ADGRE3: variants seen among roughly 807,000 people sequenced by gnomAD.
The protein encoded by ADGRE3 is adhesion G protein-coupled receptor E3.
ADGRE3 carries 88 observed loss-of-function variants against 80.1 expected under a neutral mutation model. The ratio of observed to expected loss-of-function variants is 1.10; its 90% CI spans 0.93 to 1.31. The LOEUF (loss-of-function observed/expected upper bound fraction) is 1.31, where lower values mean the gene tolerates loss of function less well. ADGRE3 is among the 40% of genes most tolerant of loss of function. The pLI, the probability that ADGRE3 is intolerant of heterozygous loss-of-function variation, is 0.00. For missense variants in ADGRE3, 715 were observed against 776.5 expected, an observed-to-expected ratio of 0.92 and a Z score of 0.94; for synonymous variants, 281 against 294.8, an observed-to-expected ratio of 0.95 and a Z score of 0.48.
the ADGRE3 span, among the ~76,000 whole-genome samples, chr19:14,606,374 C>CA: frequency 0.069 from 6,562 of 94,568 alleles, 497 homozygotes; most frequent in African/African-American, 0.21. Context: ...GACCCTGTCT[C>CA]AAAAAAAAAA....
At chr19:14,611,795 A>T in the ADGRE3 span, among the ~76,000 whole-genome samples, 1 of 152,090 alleles carries the variant, frequency 6.6e-6, no homozygotes, top group African/African-American at 2.4e-5. Flanking sequence ...TGGGGTCAGG[A>T]TTTCGAGACC....
the ADGRE3 span, chr19:14,609,957 GT>G: frequency 1.2e-6 from 1 of 814,192 alleles, no homozygotes. Context: ...CCTAATATGG[GT>G]TTTGCCAAAT....
chr19:14,657,231 A>G (rs1373413894), intron 5 of ADGRE3, among the ~76,000 whole-genome samples: 3 of 152,138 alleles, frequency 2.0e-5, no homozygotes, highest in Non-Finnish European at 4.4e-5. Context: ...TTCAGTGATC[A>G]TTCCTTGAAC....
At chr19:14,662,676 A>T (rs1231065725) in intron 3 of ADGRE3, among the ~76,000 whole-genome samples, 1 of 151,822 alleles carries the variant, frequency 6.6e-6, no homozygotes, top group African/African-American at 2.4e-5. Flanking sequence ...GCGAGCCACC[A>T]TGCCTGGCTG....
At chr19:14,628,448 A>G (rs1970790705) in intron 14 of ADGRE3, among the ~76,000 whole-genome samples, 1 of 152,028 alleles carries the variant, frequency 6.6e-6, no homozygotes, top group Non-Finnish European at 1.5e-5. Flanking sequence ...CAAAAAATAA[A>G]TAAATAAATA....
In ADGRE3 at chr19:14,654,305, C is replaced by T. The variant is rs564269699; in HGVS notation, c.577+677G>A. On this transcript the variant is annotated intron_variant, in intron 6 of 15. Coordinates refer to ENST00000253673, the MANE Select transcript of ADGRE3 (RefSeq NM_032571.5). The stretch of plus-strand genomic sequence containing the variant: ...TGAGACAGGTTCTTGTTCTGTCATC[C>T]AGGTTGGAGTGGCAATGGCATGATC... Among the ~76,000 whole-genome samples, 42 of 148,732 alleles carry T rather than the reference C, an allele frequency of 2.8e-4. 1 individual carries two copies. Among genetic ancestry groups the T allele is most frequent in the African/African-American group, 9.7e-4 (39 of 40,314 alleles).
At position 14,641,552 on chromosome 19, in the gene ADGRE3, AG is replaced by A. The variant is rs1971247392; in HGVS notation, c.1114del (p.Leu372SerfsTer80). On this transcript the variant is annotated frameshift_variant, in exon 10 of 16. Coordinates refer to ENST00000253673, the MANE Select transcript of ADGRE3 (RefSeq NM_032571.5). LOFTEE classifies it high-confidence loss of function. ...CAGGAGAAAAGTGAGGGCCGCCAGG[AG>A]GAGGCACAGCAGAGAGACGCTCAGC... ...VGLSVSLLCL[L>X]LAALTFLLCK... is the part of the protein sequence containing the mutation. 3 of 1,614,076 alleles carry A rather than the reference AG, an allele frequency of 1.9e-6. No individual in the cohort carries two copies. The highest frequency in any genetic ancestry group is 2.5e-6 in the Non-Finnish European group (3 of 1,180,042).
intron 1 of ADGRE3, among the ~76,000 whole-genome samples, chr19:14,669,438 A>G (rs1364973796): frequency 6.6e-6 from 1 of 152,172 alleles, no homozygotes; most frequent in Non-Finnish European, 1.5e-5. Context: ...TATTGTGAAT[A>G]GTGCTGCCAT....
At chr19:14,628,945 C>G (rs7246378) in intron 14 of ADGRE3, 58,513 of 155,658 alleles carry the variant, frequency 0.38, 11,364 homozygotes, top group Admixed American at 0.43. Flanking sequence ...TTTTTTGAGA[C>G]GGAGTCTTGC....
intron 15 of ADGRE3, chr19:14,622,345 C>T: frequency 2.2e-6 from 1 of 454,122 alleles, no homozygotes; most frequent in East Asian, 3.2e-5. Context: ...CAGCTAAGGT[C>T]ACATTGTGCC....
At chr19:14,612,868 C>T in the ADGRE3 span, among the ~76,000 whole-genome samples, 1 of 152,106 alleles carries the variant, frequency 6.6e-6, no homozygotes, top group Non-Finnish European at 1.5e-5. Context: ...ATAGTATTCC[C>T]TTTGGACAAT....
chr19:14,611,770 G>A, the ADGRE3 span, among the ~76,000 whole-genome samples: 2 of 152,166 alleles, frequency 1.3e-5, no homozygotes, highest in Admixed American at 6.6e-5. Flanking sequence ...GGGAGACTGA[G>A]GTGGGCTGAT....
At chr19:14,606,754 G>T in the ADGRE3 span, among the ~76,000 whole-genome samples, 1 of 151,886 alleles carries the variant, frequency 6.6e-6, no homozygotes, top group African/African-American at 2.4e-5. Context: ...TTACAGGTGA[G>T]GAAACTGAGG....
downstream of ADGRE3, among the ~76,000 whole-genome samples, chr19:14,617,348 T>C (rs1008735121): frequency 0.048 from 2,347 of 48,498 alleles, 47 homozygotes; most frequent in Non-Finnish European, 0.058. Context: ...CTCCCTTTCT[T>C]TCTTTCTTTC....
At chr19:14,645,634 G>T (rs1971379489) in intron 8 of ADGRE3, among the ~76,000 whole-genome samples, 1 of 151,716 alleles carries the variant, frequency 6.6e-6, no homozygotes, top group Admixed American at 6.6e-5. Flanking sequence ...ACTTCAGCCT[G>T]GGCGACAGAG....
At chr19:14,628,486 AAC>A in intron 14 of ADGRE3, 1 of 156,930 alleles carries the variant, frequency 6.4e-6, no homozygotes, top group East Asian at 1.8e-4. Context: ...ATGACGATGA[AAC>A]ACACACTCTG....
chr19:14,635,547 G>A (rs967509962), intron 11 of ADGRE3, among the ~76,000 whole-genome samples: 17 of 151,896 alleles, frequency 1.1e-4, no homozygotes, highest in African/African-American at 3.9e-4. Context: ...AAATAGCTGA[G>A]ATTACAGGCG....
rs368921923 is a variant in ADGRE3, at chr19:14,636,104, TTC to T, written c.1484+1999_1484+2000del. 3.8e-4 allele frequency among the ~76,000 whole-genome samples: 15 copies of T among 39,918 alleles called. 1 individual carries two copies. Among genetic ancestry groups the T allele is most frequent in the Admixed American group, 9.6e-4 (3 of 3,124 alleles). 26.2% of individuals were successfully genotyped at this position (39,918 alleles called of 152,430 possible). ...TCCCTTTCTTTCTTTCTTTCTTTCT[TTC>T]TTTCTTTCTTTCTTTCTTTCTTTCT... On this transcript the variant is annotated intron_variant, in intron 11 of 15. Coordinates refer to ENST00000253673, the MANE Select transcript of ADGRE3 (RefSeq NM_032571.5).
rs142692006 is a variant in ADGRE3 at position 14,619,785 on chromosome 19, G to T, written c.1921-314C>A. ...GAAAGGTTAGAGTCTTGTTGGCTTT[G>T]TTTCTCTTTGAATGCCTGTTATCTA... On this transcript the variant is annotated intron_variant, in intron 15 of 15. Transcript: ENST00000253673. Among the ~76,000 whole-genome samples, 1,183 of 152,270 alleles carry T rather than the reference G, an allele frequency of 7.8e-3. 16 individuals carry two copies. The highest frequency in any genetic ancestry group is 0.028 in the African/African-American group (1,148 of 41,536).
Sources: gnomAD v4.1 joint callset for allele counts (sites outside exome capture counted in the v4.1 genomes callset) on GRCh38, gnomAD v4.1.1 for gene constraint, MANE v1.5 for transcripts, NCBI Gene and HGNC (gene_info 2026-07-23, HGNC 2026-07-21) for gene names.